RNF220: variants seen among roughly 807,000 people sequenced by gnomAD.
RNF220 encodes the protein E3 ubiquitin-protein ligase RNF220.
RNF220 carries 7 observed loss-of-function variants against 67.1 expected under a neutral mutation model. The ratio of observed to expected loss-of-function variants is 0.10; its 90% confidence interval spans 0.06 to 0.20. The LOEUF (loss-of-function observed/expected upper bound fraction) is 0.20, where lower values mean the gene tolerates loss of function less well. Ranked by LOEUF, RNF220 falls within the 10% of genes least tolerant of loss-of-function variation. RNF220 has a pLI of 1.00. For missense variants in RNF220, 565 were observed against 740.3 expected (o/e 0.76, Z 2.75); for synonymous variants, 270 against 283.2 (o/e 0.95, Z 0.47).
At chr1:44,619,209 C>T (rs1393952419) in intron 3 of RNF220, among the ~76,000 whole-genome samples, 1 of 152,182 alleles carries the variant, frequency 6.6e-6, no homozygotes, top group African/African-American at 2.4e-5. Context: ...TTGGGCTTGG[C>T]TTGGTGGGGC....
rs555043934 is a variant in RNF220, at chr1:44,606,599, C to T, written c.626-7566C>T. ...TCCTTTCTTGGCTTCAATGACATCACACTTTCCTTGTTTTCATTCTACCTC... is the reference window on the plus strand; with the variant it reads ...TCCTTTCTTGGCTTCAATGACATCATACTTTCCTTGTTTTCATTCTACCTC... On this transcript the variant is annotated intron_variant, in intron 2 of 14. Coordinates refer to ENST00000361799, the MANE Select transcript of RNF220 (RefSeq NM_018150.4). This position sits in a 1 kb window ranked among gnomAD's most constrained non-coding sequence, Gnocchi z 4.2. Among the ~76,000 whole-genome samples the T allele has an allele frequency of 6.6e-6, 1 of 152,314 alleles. No individual in the cohort carries two copies. Among genetic ancestry groups the T allele is most frequent in the African/African-American group, 2.4e-5 (1 of 41,562 alleles).
chr1:44,426,235 G>A (rs116447951), intron 2 of RNF220, among the ~76,000 whole-genome samples: 2,026 of 152,280 alleles, frequency 0.013, 39 homozygotes, highest in African/African-American at 0.045. Context: ...TTTGGCCTGA[G>A]GAATGATAGG....
rs559817420 is a variant in RNF220, at chr1:44,606,795, C to G, written c.626-7370C>G. Among the ~76,000 whole-genome samples, 73 of 152,198 alleles carry G rather than the reference C, an allele frequency of 4.8e-4. 1 individual carries two copies. The highest frequency in any genetic ancestry group is 1.7e-3 in the African/African-American group (72 of 41,510). On this transcript the variant is annotated intron_variant, in intron 2 of 14. Transcript: ENST00000361799. This position sits in a 1 kb window ranked among gnomAD's most constrained non-coding sequence, Gnocchi z 4.2. Reference sequence around the variant, plus strand: ...TATTTATTGAGCATTTACCACATGCCAGACATTGTTCCAGGCACAGAGGAC... The same window carrying G: ...TATTTATTGAGCATTTACCACATGCGAGACATTGTTCCAGGCACAGAGGAC...
At chr1:44,613,725 A>C (rs1643418861) in intron 2 of RNF220, among the ~76,000 whole-genome samples, 1 of 151,866 alleles carries the variant, frequency 6.6e-6, no homozygotes, top group South Asian at 2.1e-4. Flanking sequence ...AAAAATACAA[A>C]AATTAGCCAA....
At chr1:44,510,475 T>C (rs746843658) in intron 2 of RNF220, among the ~76,000 whole-genome samples, 1 of 152,158 alleles carries the variant, frequency 6.6e-6, no homozygotes, top group Non-Finnish European at 1.5e-5. Flanking sequence ...CTTCCTGGGC[T>C]AAGTTCAGCC....
intron 2 of RNF220, among the ~76,000 whole-genome samples, chr1:44,539,460 A>G (rs1661508319): frequency 1.3e-5 from 2 of 152,192 alleles, no homozygotes; most frequent in South Asian, 4.1e-4. Flanking sequence ...TCTACGTGCC[A>G]TGCACCATAT....
chr1:44,553,245 T>C (rs1662810610), intron 2 of RNF220, among the ~76,000 whole-genome samples: 2 of 152,112 alleles, frequency 1.3e-5, no homozygotes, highest in East Asian at 1.9e-4. Context: ...TGCTTGTCGG[T>C]CTCTCCAACA....
chr1:44,490,433 G>A (rs1196778709), intron 2 of RNF220, among the ~76,000 whole-genome samples: 1 of 151,406 alleles, frequency 6.6e-6, no homozygotes, highest in Non-Finnish European at 1.5e-5. Context: ...CTGAGATTGG[G>A]CCATTGTGCT....
intron 2 of RNF220, among the ~76,000 whole-genome samples, chr1:44,441,308 G>A (rs555123694): frequency 4.6e-5 from 7 of 152,266 alleles, no homozygotes; most frequent in African/African-American, 1.7e-4. Flanking sequence ...CTGGCAGGAT[G>A]TTAAGGAGAA....
chr1:44,430,801 T>A (rs1650285993), intron 2 of RNF220, among the ~76,000 whole-genome samples: 1 of 152,214 alleles, frequency 6.6e-6, no homozygotes, highest in South Asian at 2.1e-4. Flanking sequence ...CACCTTGGCC[T>A]CCCAAAGTGC....
intron 2 of RNF220, among the ~76,000 whole-genome samples, chr1:44,522,181 GA>G (rs1477674991): frequency 6.6e-6 from 1 of 152,178 alleles, no homozygotes; most frequent in Non-Finnish European, 1.5e-5. Flanking sequence ...TTCCATGTGG[GA>G]AGCTCCATCA....
At chr1:44,592,943 G>A (rs1263469901) in intron 2 of RNF220, among the ~76,000 whole-genome samples, 1 of 152,220 alleles carries the variant, frequency 6.6e-6, no homozygotes, top group Non-Finnish European at 1.5e-5. Context: ...AGTAGAGGGG[G>A]ATGCCATGTG....
intron 2 of RNF220, among the ~76,000 whole-genome samples, chr1:44,570,334 A>T (rs1664344632): frequency 6.6e-6 from 1 of 152,086 alleles, no homozygotes; most frequent in Non-Finnish European, 1.5e-5. Context: ...CCACTTTTCT[A>T]TGACAGTATT....
chr1:44,422,453 A>G (rs1029988546), intron 2 of RNF220, among the ~76,000 whole-genome samples: 3 of 152,218 alleles, frequency 2.0e-5, no homozygotes, highest in African/African-American at 7.2e-5. Context: ...TACGGGGAAA[A>G]GAACCCAGAC....
chr1:44,470,468 A>G (rs185195164), intron 2 of RNF220, among the ~76,000 whole-genome samples: 1 of 152,346 alleles, frequency 6.6e-6, no homozygotes, highest in Non-Finnish European at 1.5e-5. Flanking sequence ...TGTAAAAAAG[A>G]AAAATAAAAT....
intron 2 of RNF220, among the ~76,000 whole-genome samples, chr1:44,549,987 G>C (rs1486024597): frequency 1.3e-5 from 2 of 152,226 alleles, no homozygotes; most frequent in Non-Finnish European, 2.9e-5. Context: ...CAAGCCACCA[G>C]AGAAGCCCTG....
At chr1:44,583,007 C>T (rs1427486746) in intron 2 of RNF220, among the ~76,000 whole-genome samples, 1 of 151,304 alleles carries the variant, frequency 6.6e-6, no homozygotes, top group Non-Finnish European at 1.5e-5. Context: ...ACTCCATTTC[C>T]AAAAAAGAAG....
chr1:44,472,214 G>C (rs1447285270), intron 2 of RNF220, among the ~76,000 whole-genome samples: 1 of 152,128 alleles, frequency 6.6e-6, no homozygotes, highest in Admixed American at 6.6e-5. Flanking sequence ...TATGTTTTCA[G>C]TTCTCTTGGG....
chr1:44,506,552 T>A (rs1278737902), intron 2 of RNF220, among the ~76,000 whole-genome samples: 2 of 152,134 alleles, frequency 1.3e-5, no homozygotes, highest in Non-Finnish European at 2.9e-5. Context: ...CCCCTGGGGG[T>A]CATCTATCAG....
Sources: allele counts gnomAD v4.1 joint callset (sites outside exome capture counted in the v4.1 genomes callset), GRCh38; gene constraint gnomAD v4.1.1; non-coding constraint Gnocchi (gnomAD v3.1); transcripts MANE v1.5; gene names NCBI Gene and HGNC (gene_info 2026-07-23, HGNC 2026-07-21).